Variants in PCDH11X observed in about 807,000 individuals in gnomAD.
The protein encoded by PCDH11X is protocadherin 11 X-linked.
A neutral mutation model predicts 53.3 loss-of-function variants in PCDH11X; 18 were observed. The ratio of observed to expected loss-of-function variants is 0.34; its 90% confidence interval spans 0.23 to 0.50. The LOEUF (loss-of-function observed/expected upper bound fraction) is 0.50. PCDH11X is among the 20% of genes least tolerant of loss of function. PCDH11X has a pLI of 0.98. For synonymous variants in PCDH11X, 279 were observed against 393.3 expected, an observed-to-expected ratio of 0.71 and a Z score of 3.44; for missense variants, 570 against 1,032.4, an observed-to-expected ratio of 0.55 and a Z score of 6.14.
At chrX:92,265,727 G>T (rs1044469096) in intron 8 of PCDH11X, among the ~76,000 whole-genome samples, 1 of 110,975 alleles carries the variant, frequency 9.0e-6, no homozygotes, top group African/African-American at 3.3e-5. Context: ...CTTGCCTAAG[G>T]TTACAGAGCT....
intron 10 of PCDH11X, among the ~76,000 whole-genome samples, chrX:92,553,687 G>A (rs1251949813): frequency 9.3e-6 from 1 of 107,950 alleles, no homozygotes; most frequent in Non-Finnish European, 1.9e-5. Context: ...CCTCTTTTTT[G>A]ATGTAGGCAA....
At chrX:91,881,728 G>T (rs1939920090) in intron 6 of PCDH11X, among the ~76,000 whole-genome samples, 1 of 110,747 alleles carries the variant, frequency 9.0e-6, no homozygotes, top group Admixed American at 9.7e-5. Context: ...AAATGCAGTA[G>T]GTGTCTTCTT....
At chrX:92,608,583 A>G (rs1404876499) in intron 10 of PCDH11X, among the ~76,000 whole-genome samples, 1 of 110,272 alleles carries the variant, frequency 9.1e-6, no homozygotes, top group Admixed American at 9.8e-5. Context: ...CTTTGTATTA[A>G]AAATATTTCA....
chrX:92,596,805 A>T (rs1027557321), intron 10 of PCDH11X, among the ~76,000 whole-genome samples: 5 of 110,060 alleles, frequency 4.5e-5, no homozygotes, highest in Non-Finnish European at 7.6e-5. Context: ...TGATGTAAAA[A>T]CCTTAACAAA....
intron 8 of PCDH11X, among the ~76,000 whole-genome samples, chrX:92,281,694 C>G (rs1444557712): frequency 9.0e-6 from 1 of 111,663 alleles, no homozygotes; most frequent in Non-Finnish European, 1.9e-5. Flanking sequence ...AGAGTCCAAA[C>G]TGAGGACAAG....
chrX:92,050,403 A>G (rs1414016012), intron 6 of PCDH11X, among the ~76,000 whole-genome samples: 1 of 109,068 alleles, frequency 9.2e-6, no homozygotes, highest in Non-Finnish European at 1.9e-5. Flanking sequence ...TTCATAATTT[A>G]CTGGAAGCAT....
At chrX:92,403,329 GT>G (rs1178198433) in intron 9 of PCDH11X, among the ~76,000 whole-genome samples, 1 of 58,814 alleles carries the variant, frequency 1.7e-5, no homozygotes, top group Non-Finnish European at 2.8e-5. Flanking sequence ...GGGCATTTAC[GT>G]TTTTTTTTGT....
chrX:92,042,656 T>TTTTGGG (rs2063226766), intron 6 of PCDH11X, among the ~76,000 whole-genome samples: 1 of 81,114 alleles, frequency 1.2e-5, no homozygotes, highest in East Asian at 7.1e-4. Context: ...TTTTTTTTTT[T>TTTTGGG]GAGAGGGAGT....
rs145615775 is a variant in PCDH11X at position 92,311,765 on chromosome X, C to T, written c.3144+48622C>T. 5.8e-3 allele frequency among the ~76,000 whole-genome samples: 641 copies of T among 110,201 alleles called. 7 individuals are homozygous for T. The highest frequency in any genetic ancestry group is 0.02 in the African/African-American group (608 of 30,401). Reference sequence around the variant, plus strand: ...ACAGTGTGTGTGCTACAAATTTGTCCGTGATATTCAGTTTTATAATTTTAA... The same window carrying T: ...ACAGTGTGTGTGCTACAAATTTGTCTGTGATATTCAGTTTTATAATTTTAA... On this transcript the variant is annotated intron_variant, in intron 8 of 10. Coordinates refer to ENST00000682573, the MANE Select transcript of PCDH11X (RefSeq NM_032968.5).
chrX:91,910,072 G>C (rs1288253919), intron 6 of PCDH11X, among the ~76,000 whole-genome samples: 1 of 111,003 alleles, frequency 9.0e-6, no homozygotes, highest in Non-Finnish European at 1.9e-5. Context: ...TTGTCCAGTA[G>C]TAGTGAGCAT....
At chrX:92,574,074 A>C (rs867829177) in intron 10 of PCDH11X, among the ~76,000 whole-genome samples, 1 of 98,371 alleles carries the variant, frequency 1.0e-5, no homozygotes, top group Middle Eastern at 5.3e-3. Flanking sequence ...ATCCTTCCAA[A>C]TTATTTCAGT....
intron 8 of PCDH11X, among the ~76,000 whole-genome samples, chrX:92,331,788 C>A (rs752777065): frequency 9.0e-6 from 1 of 111,136 alleles, no homozygotes; most frequent in East Asian, 2.8e-4. Context: ...ATGTCCTCTA[C>A]AAAGCCTTCT....
chrX:92,291,462 T>C (rs1259072158), intron 8 of PCDH11X, among the ~76,000 whole-genome samples: 1 of 66,512 alleles, frequency 1.5e-5, no homozygotes, highest in Non-Finnish European at 2.8e-5. Context: ...TGTTTGTAAC[T>C]TTTTAGGTTC....
At chrX:91,902,940 A>G (rs1026112031) in intron 6 of PCDH11X, among the ~76,000 whole-genome samples, 1 of 110,838 alleles carries the variant, frequency 9.0e-6, no homozygotes, top group Non-Finnish European at 1.9e-5. Flanking sequence ...TATTTTTCAA[A>G]ATGTACTACA....
At chrX:92,584,517 T>C (rs1271630988) in intron 10 of PCDH11X, among the ~76,000 whole-genome samples, 1 of 110,940 alleles carries the variant, frequency 9.0e-6, no homozygotes, top group Admixed American at 9.6e-5. Context: ...TTAGAAGAGA[T>C]AGACACATTT....
chrX:92,355,846 G>C (rs112916572), intron 8 of PCDH11X, among the ~76,000 whole-genome samples: 1 of 108,867 alleles, frequency 9.2e-6, no homozygotes, highest in African/African-American at 3.3e-5. Flanking sequence ...TGCAATCAGA[G>C]AACCGTGCTA....
At chrX:92,409,469 A>G (rs958257260) in intron 9 of PCDH11X, among the ~76,000 whole-genome samples, 2 of 112,342 alleles carry the variant, frequency 1.8e-5, no homozygotes, top group African/African-American at 3.2e-5. Flanking sequence ...TCTTCTTGCT[A>G]CAACCATTCA....
chrX:92,172,687 T>C (rs17247045), intron 6 of PCDH11X, among the ~76,000 whole-genome samples: 47,868 of 110,831 alleles, frequency 0.43, 8,608 homozygotes, highest in Non-Finnish European at 0.58. Flanking sequence ...TAACAGCATA[T>C]AGTTTCCATT....
In PCDH11X at chrX:92,527,958, T is replaced by C. The variant is rs1055778734; in HGVS notation, c.3367+59636T>C. ...TGAGTGAATTAAGTGGACCCTTATC[T>C]GACATATGTCAAGATAGCTCTTTTA... On this transcript the variant is annotated intron_variant, in intron 10 of 10. Transcript: ENST00000682573. Among the ~76,000 whole-genome samples, 76 of 111,801 alleles carry C rather than the reference T, an allele frequency of 6.8e-4. 1 individual carries two copies. The highest frequency in any genetic ancestry group is 2.3e-3 in the African/African-American group (72 of 30,813).
Sources: gnomAD v4.1 joint callset for allele counts (sites outside exome capture counted in the v4.1 genomes callset) on GRCh38, gnomAD v4.1.1 for gene constraint, MANE v1.5 for transcripts, NCBI Gene and HGNC (gene_info 2026-07-23, HGNC 2026-07-21) for gene names.